The following AFF3 variants were observed in gnomAD, a reference collection of about 807,000 sequenced individuals.
AFF3 encodes AF4/FMR2 family member 3.
Under a neutral mutation model 129.7 loss-of-function variants are expected in AFF3, and 32 were observed. The ratio of observed to expected loss-of-function variants is 0.25; its 90% CI spans 0.19 to 0.33. The LOEUF (loss-of-function observed/expected upper bound fraction) is 0.33. Ranked by LOEUF, AFF3 falls within the 10% of genes least tolerant of loss-of-function variation. AFF3 has a pLI of 1.00. For synonymous variants in AFF3, 644 were observed against 635.4 expected, an observed-to-expected ratio of 1.01 and a Z score of -0.20; for missense variants, 1,373 against 1,592.0, an observed-to-expected ratio of 0.86 and a Z score of 2.34.
At chr2:99,813,272 A>G (rs1402677175) in intron 8 of AFF3, among the ~76,000 whole-genome samples, 1 of 152,222 alleles carries the variant, frequency 6.6e-6, no homozygotes, top group East Asian at 1.9e-4. Context: ...CTACAGCTCA[A>G]TCACACTGCC....
intron 7 of AFF3, among the ~76,000 whole-genome samples, chr2:99,929,138 A>T (rs1576368350): frequency 6.6e-6 from 1 of 152,016 alleles, no homozygotes; most frequent in African/African-American, 2.4e-5. Flanking sequence ...GACCAGCCTG[A>T]CCAACATGGA....
chr2:99,684,915 T>C (rs1674897793), intron 11 of AFF3, among the ~76,000 whole-genome samples: 1 of 151,922 alleles, frequency 6.6e-6, no homozygotes, highest in Non-Finnish European at 1.5e-5. Context: ...AAAAACTCAC[T>C]ATATACCAGG....
At position 99,744,086 on chromosome 2, in the gene AFF3, G is replaced by C. The variant is rs1391615245; in HGVS notation, c.1039+18C>G. ...CCCCTGCTCCCCAGATGAAACTCCA[G>C]AGCGAAGTCTTTCTTACTTGGATTA... On this transcript the variant is annotated intron_variant, in intron 10 of 24. Coordinates refer to ENST00000672756, the MANE Select transcript of AFF3 (RefSeq NM_001386135.1). The C allele has an allele frequency of 6.3e-7, 1 of 1,589,902 alleles. No homozygotes were observed. Among genetic ancestry groups the C allele is most frequent in the Non-Finnish European group, 8.6e-7 (1 of 1,165,868 alleles).
At chr2:100,025,450 A>G (rs887185974) in intron 4 of AFF3, among the ~76,000 whole-genome samples, 5 of 152,244 alleles carry the variant, frequency 3.3e-5, no homozygotes, top group African/African-American at 1.2e-4. Flanking sequence ...GGTAGCATCA[A>G]TATTGTTAAA....
At chr2:99,696,900 C>T (rs953517393) in intron 11 of AFF3, among the ~76,000 whole-genome samples, 2 of 152,142 alleles carry the variant, frequency 1.3e-5, no homozygotes, top group African/African-American at 4.8e-5. Context: ...GCTACCTTGG[C>T]GTCCCAAAGC....
Position 99,926,506 on chromosome 2 carries a change from C to T in AFF3, c.873+80126G>A, listed in dbSNP as rs1039166190. On this transcript the variant is annotated intron_variant, in intron 7 of 24. Coordinates refer to ENST00000672756, the MANE Select transcript of AFF3 (RefSeq NM_001386135.1). ...TTCAGGCATTATTAATTTCTACATACACATTACACATACATACATATAGGA... is the reference window on the plus strand; with the variant it reads ...TTCAGGCATTATTAATTTCTACATATACATTACACATACATACATATAGGA... Among the ~76,000 whole-genome samples the T allele has an allele frequency of 5.3e-5, 8 of 152,190 alleles. No individual in the cohort carries two copies. In the South Asian group the frequency reaches 1.4e-3, roughly 28 times the overall value.
chr2:100,111,088 G>A (rs1335261263), intron 2 of AFF3, among the ~76,000 whole-genome samples: 1 of 152,230 alleles, frequency 6.6e-6, no homozygotes, highest in Non-Finnish European at 1.5e-5. Flanking sequence ...AAGGAGGCTA[G>A]GTCCTTGATG....
At chr2:99,693,294 A>T (rs1675863081) in intron 11 of AFF3, among the ~76,000 whole-genome samples, 1 of 152,226 alleles carries the variant, frequency 6.6e-6, no homozygotes, top group Non-Finnish European at 1.5e-5. Flanking sequence ...TTTAAATGTG[A>T]CTGTACAAGA....
intron 7 of AFF3, among the ~76,000 whole-genome samples, chr2:99,851,083 G>C (rs1223101033): frequency 1.3e-5 from 2 of 152,192 alleles, no homozygotes; most frequent in Non-Finnish European, 2.9e-5. Flanking sequence ...TCAGAGAGAA[G>C]GGTTCACACG....
intron 13 of AFF3, among the ~76,000 whole-genome samples, chr2:99,641,597 G>A (rs1190403189): frequency 1.3e-5 from 2 of 152,144 alleles, no homozygotes; most frequent in Non-Finnish European, 2.9e-5. Context: ...AGAATCATTT[G>A]AACCCAGGAG....
intron 11 of AFF3, among the ~76,000 whole-genome samples, chr2:99,687,829 A>ATTG (rs1675217517): frequency 6.6e-6 from 1 of 152,138 alleles, no homozygotes; most frequent in Admixed American, 6.5e-5. Flanking sequence ...CACAATGAAT[A>ATTG]CACCTATATT....
chr2:99,819,881 G>C (rs1449791553), intron 8 of AFF3, among the ~76,000 whole-genome samples: 2 of 152,172 alleles, frequency 1.3e-5, no homozygotes, highest in Non-Finnish European at 2.9e-5. Flanking sequence ...TCCCCCTCCT[G>C]GGGAAGAGGA....
chr2:99,946,343 G>A (rs933477085), intron 7 of AFF3, among the ~76,000 whole-genome samples: 1 of 151,678 alleles, frequency 6.6e-6, no homozygotes, highest in Non-Finnish European at 1.5e-5. Context: ...GGGCATGGGT[G>A]GACGCCTGTA....
intron 7 of AFF3, among the ~76,000 whole-genome samples, chr2:99,862,883 T>C (rs1691098943): frequency 6.6e-6 from 1 of 152,220 alleles, no homozygotes; most frequent in African/African-American, 2.4e-5. Context: ...AAAGACCCCT[T>C]TGGTCATTCC....
chr2:99,833,868 C>T (rs942095928), intron 8 of AFF3, among the ~76,000 whole-genome samples: 1 of 152,160 alleles, frequency 6.6e-6, no homozygotes, highest in African/African-American at 2.4e-5. Flanking sequence ...GTTTTAATTT[C>T]TCCCTCAGTT....
At chr2:100,039,315 T>G (rs1481912899) in intron 4 of AFF3, among the ~76,000 whole-genome samples, 2 of 152,130 alleles carry the variant, frequency 1.3e-5, no homozygotes, top group African/African-American at 4.8e-5. Context: ...ACTCAGGGCT[T>G]TAGGAGACCT....
intron 13 of AFF3, among the ~76,000 whole-genome samples, chr2:99,606,201 G>A (rs1241035843): frequency 6.6e-6 from 1 of 152,176 alleles, no homozygotes; most frequent in Non-Finnish European, 1.5e-5. Context: ...GGAGGTCAAG[G>A]CTGCAGTAAA....
intron 7 of AFF3, among the ~76,000 whole-genome samples, chr2:99,865,273 G>C (rs867576566): frequency 3.9e-5 from 6 of 152,346 alleles, no homozygotes; most frequent in African/African-American, 1.4e-4. Context: ...ATCTTAGCCA[G>C]TGGAAATGAG....
chr2:99,994,917 G>A (rs1309494118), intron 7 of AFF3, among the ~76,000 whole-genome samples: 1 of 152,194 alleles, frequency 6.6e-6, no homozygotes, highest in Non-Finnish European at 1.5e-5. Context: ...TAGAGCTGGA[G>A]TACCAGCTCT....
Sources: allele counts gnomAD v4.1 joint callset (sites outside exome capture counted in the v4.1 genomes callset), GRCh38; gene constraint gnomAD v4.1.1; transcripts MANE v1.5; gene names NCBI Gene and HGNC (gene_info 2026-07-23, HGNC 2026-07-21).